DNAJB6: variants seen among roughly 807,000 people sequenced by gnomAD.
The protein encoded by DNAJB6 is dnaJ homolog subfamily B member 6.
A neutral mutation model predicts 42.7 loss-of-function variants in DNAJB6; 16 were observed. The observed-to-expected ratio is 0.37, with a 90% CI of 0.25 to 0.57. DNAJB6 has a LOEUF of 0.57. Ranked by LOEUF, DNAJB6 falls within the 20% of genes least tolerant of loss-of-function variation. The pLI, the probability that DNAJB6 is intolerant of heterozygous loss-of-function variation, is 0.74. For missense variants in DNAJB6, 347 were observed against 416.8 expected, an observed-to-expected ratio of 0.83 and a Z score of 1.46; for synonymous variants, 170 against 163.5, an observed-to-expected ratio of 1.04 and a Z score of -0.30.
At chr7:157,340,997 T>TGTGTGTGCGCGC (rs902019051) in intron 1 of DNAJB6, among the ~76,000 whole-genome samples, 1 of 118,298 alleles carries the variant, frequency 8.5e-6, no homozygotes, top group African/African-American at 2.8e-5. Context: ...TGTGTGTGTG[T>TGTGTGTGCGCGC]GCGCGCGCGC....
rs763742055 is a variant in DNAJB6, at chr7:157,366,574, G to GT, written c.235+19dup. 21 of 1,612,870 alleles carry GT rather than the reference G, an allele frequency of 1.3e-5. No individual in the cohort carries two copies. The highest frequency in any genetic ancestry group is 1.6e-4 in the Middle Eastern group (1 of 6,078). On this transcript the variant is annotated intron_variant, in intron 4 of 9. Coordinates refer to ENST00000262177, the MANE Select transcript of DNAJB6 (RefSeq NM_058246.4). Reference sequence around the variant, plus strand: ...GGTGGAGGAGGAGGTAAGTACGTGAGTTTTTTCTTTGAAGACAAAAGGTCT... The same window carrying GT: ...GGTGGAGGAGGAGGTAAGTACGTGAGTTTTTTTCTTTGAAGACAAAAGGTCT...
chr7:157,370,814 A>T (rs1441555398), intron 5 of DNAJB6: 2 of 152,592 alleles, frequency 1.3e-5, no homozygotes, highest in Non-Finnish European at 2.9e-5. Flanking sequence ...CACACTGGGG[A>T]AGCTGCTGCT....
intron 2 of DNAJB6, among the ~76,000 whole-genome samples, chr7:157,360,288 C>T (rs116860386): frequency 6.6e-6 from 1 of 152,254 alleles, no homozygotes; most frequent in East Asian, 1.9e-4. Context: ...CCCATCAGGT[C>T]TTGTGAGGCT....
At chr7:157,356,611 A>C (rs1346536536) in intron 1 of DNAJB6, among the ~76,000 whole-genome samples, 1 of 152,218 alleles carries the variant, frequency 6.6e-6, no homozygotes, top group Non-Finnish European at 1.5e-5. Context: ...AATGGAGTGG[A>C]AAGAACTGTG....
intron 2 of DNAJB6, among the ~76,000 whole-genome samples, chr7:157,360,935 G>A (rs1445566539): frequency 3.9e-5 from 6 of 152,110 alleles, no homozygotes; most frequent in South Asian, 2.1e-4. Flanking sequence ...CTTGCATATC[G>A]TGTTGTATTA....
chr7:157,389,067 C>G (rs1179529080), intron 8 of DNAJB6, among the ~76,000 whole-genome samples: 1 of 152,178 alleles, frequency 6.6e-6, no homozygotes, highest in African/African-American at 2.4e-5. Flanking sequence ...TCACCATTTG[C>G]TAAACTTACC....
intron 8 of DNAJB6, among the ~76,000 whole-genome samples, chr7:157,389,256 T>C (rs992765350): frequency 6.6e-6 from 1 of 152,252 alleles, no homozygotes; most frequent in Non-Finnish European, 1.5e-5. Flanking sequence ...GGAATACTGA[T>C]CTTGTTTTAA....
chr7:157,403,104 A>G (rs908758034), intron 8 of DNAJB6, among the ~76,000 whole-genome samples: 24 of 152,320 alleles, frequency 1.6e-4, no homozygotes, highest in African/African-American at 5.8e-4. Flanking sequence ...GAAAGGTGGG[A>G]CAGCTGGACG....
At chr7:157,369,884 C>T (rs1187358135) in intron 5 of DNAJB6, among the ~76,000 whole-genome samples, 1 of 136,376 alleles carries the variant, frequency 7.3e-6, no homozygotes, top group Non-Finnish European at 1.7e-5. Context: ...ATTAAACAGG[C>T]CCCTTCTCAA....
chr7:157,354,429 G>C (rs995012034), intron 1 of DNAJB6, among the ~76,000 whole-genome samples: 1 of 152,164 alleles, frequency 6.6e-6, no homozygotes, highest in Non-Finnish European at 1.5e-5. Flanking sequence ...TTACAGGTGT[G>C]AGCCGCTGTG....
At chr7:157,353,371 A>G (rs765075416) in intron 1 of DNAJB6, among the ~76,000 whole-genome samples, 2 of 152,210 alleles carry the variant, frequency 1.3e-5, no homozygotes, top group Admixed American at 1.3e-4. Context: ...ACTTCCCTTA[A>G]TCTTTCTGTA....
At chr7:157,361,631 A>T (rs1444817108) in intron 2 of DNAJB6, among the ~76,000 whole-genome samples, 9 of 152,220 alleles carry the variant, frequency 5.9e-5, no homozygotes. Flanking sequence ...GCACTGTCAG[A>T]TTAGTATACT....
At chr7:157,373,354 C>T (rs1800312859) in intron 5 of DNAJB6, among the ~76,000 whole-genome samples, 2 of 152,100 alleles carry the variant, frequency 1.3e-5, no homozygotes, top group Admixed American at 6.5e-5. Flanking sequence ...GACATGTGCC[C>T]TCACCCCTCG....
In DNAJB6 at chr7:157,366,482, A is replaced by T; in HGVS notation, c.176-20A>T. The T allele has an allele frequency of 6.2e-7, 1 of 1,613,020 alleles. No homozygotes were observed. Among genetic ancestry groups the T allele is most frequent in the Non-Finnish European group, 8.5e-7 (1 of 1,179,264 alleles). ...GTTTAAAAGGAACTTGGCCTTACCG[A>T]CTTTTCTTTCAATTTTTAGCTAAGA... On this transcript the variant is annotated intron_variant, in intron 3 of 9. Coordinates refer to ENST00000262177, the MANE Select transcript of DNAJB6 (RefSeq NM_058246.4).
chr7:157,383,065 GC>G (rs1800868523), intron 6 of DNAJB6, among the ~76,000 whole-genome samples: 1 of 152,092 alleles, frequency 6.6e-6, no homozygotes, highest in African/African-American at 2.4e-5. Flanking sequence ...TAGTGTAGTG[GC>G]ACGGTCTCAG....
At chr7:157,407,071 A>T (rs1795797630) in intron 8 of DNAJB6, among the ~76,000 whole-genome samples, 1 of 152,206 alleles carries the variant, frequency 6.6e-6, no homozygotes, top group Non-Finnish European at 1.5e-5. Context: ...TCACCTGCGG[A>T]GCAGGGGTGC....
intron 8 of DNAJB6, among the ~76,000 whole-genome samples, chr7:157,400,425 C>T (rs981147362): frequency 1.6e-5 from 2 of 127,502 alleles, no homozygotes; most frequent in Non-Finnish European, 3.3e-5. Flanking sequence ...GGAGAGCTTT[C>T]GCTGGCACCG....
intron 5 of DNAJB6, chr7:157,378,318 G>T (rs1054821505): frequency 1.3e-5 from 2 of 152,196 alleles, no homozygotes; most frequent in African/African-American, 4.8e-5. Flanking sequence ...AGGTATAAAA[G>T]TATGATCAGT....
intron 5 of DNAJB6, among the ~76,000 whole-genome samples, chr7:157,373,390 A>G (rs1007077134): frequency 3.3e-5 from 5 of 152,090 alleles, no homozygotes; most frequent in African/African-American, 1.2e-4. Flanking sequence ...TTGCTCTGTC[A>G]CCCAGGCTGG....
Sources: gnomAD v4.1 joint callset for allele counts (sites outside exome capture counted in the v4.1 genomes callset) on GRCh38, gnomAD v4.1.1 for gene constraint, MANE v1.5 for transcripts, NCBI Gene and HGNC (gene_info 2026-07-23, HGNC 2026-07-21) for gene names.